The following OR2T12 variants were observed in gnomAD, a reference collection of about 807,000 sequenced individuals.
The protein encoded by OR2T12 is olfactory receptor family 2 subfamily T member 12, also known as olfactory receptor 2T12.
For synonymous variants in OR2T12, 127 were observed against 160.5 expected, an observed-to-expected ratio of 0.79 and a Z score of 1.58; for missense variants, 335 against 404.3, an observed-to-expected ratio of 0.83 and a Z score of 1.47.
intron 1 of OR2T12, among the ~76,000 whole-genome samples, chr1:248,303,027 T>C (rs1180596823): frequency 6.6e-6 from 1 of 152,132 alleles, no homozygotes; most frequent in East Asian, 1.9e-4. Flanking sequence ...AATCATGTCC[T>C]GTTCTCATCT....
chr1:248,292,809 G>A lies in OR2T12; in HGVS notation c.*1807C>T, dbSNP rs1393456998. The A allele has an allele frequency of 4.6e-5, 7 of 151,818 alleles. No individual in the cohort carries two copies. The highest frequency in any genetic ancestry group is 8.8e-5 in the Non-Finnish European group (6 of 67,906). 9.4% of individuals were successfully genotyped at this position (151,818 alleles called of 1,614,324 possible). On this transcript the variant is annotated 3_prime_UTR_variant, in exon 3 of 3. Transcript: ENST00000641276. ...CCTGAACATTAGGCTTAATTTTCTG[G>A]TTAGAATATTTTATCCTTACAAAAT...
At position 248,293,552 on chromosome 1, in the gene OR2T12, T is replaced by C. The variant is rs1028441510; in HGVS notation, c.*1064A>G. On this transcript the variant is annotated 3_prime_UTR_variant, in exon 3 of 3. Coordinates refer to ENST00000641276, the MANE Select transcript of OR2T12 (RefSeq NM_001004692.2). ...ATAGTATAGTCTTCTTTTATTCTTC[T>C]GCAAACTCCAAATCTTTAAAATGTG... is the stretch of plus-strand genomic sequence containing the variant. 2 of 152,208 alleles carry C rather than the reference T, an allele frequency of 1.3e-5. No individual in the cohort carries two copies. The highest frequency in any genetic ancestry group is 4.8e-5 in the African/African-American group (2 of 41,466). The allele number at this position is 152,208 out of a possible 1,614,324, so 9.4% of individuals were successfully genotyped here.
chr1:248,296,779 G>A (rs1472509595), intron 2 of OR2T12, among the ~76,000 whole-genome samples: 4 of 152,108 alleles, frequency 2.6e-5, no homozygotes, highest in African/African-American at 9.7e-5. Context: ...AGCAGGTTGC[G>A]AAAATTTTCT....
intron 1 of OR2T12, among the ~76,000 whole-genome samples, chr1:248,302,178 G>T (rs1659820850): frequency 6.6e-6 from 1 of 151,868 alleles, no homozygotes; most frequent in South Asian, 2.1e-4. Context: ...ACAAAACAAA[G>T]CAACAAATCT....
rs770178076 is a variant in OR2T12 at position 248,294,841 on chromosome 1, C to T, written c.738G>A (p.Val246=). The change falls in exon 3 of 3, where the codon GTG becomes GTA. Residue 246 remains valine, a synonymous_variant. Transcript: ENST00000641276. ...FATCSSHVAV[V]GLFYGAGIFT... ...AAATGCCAGCTCCATAAAAGAGTCC[C>T]ACCACAGCCACATGTGAAGAGCAGG... 13 of 1,612,908 alleles carry T rather than the reference C, an allele frequency of 8.1e-6. No homozygotes were observed. The South Asian group carries it at 9.9e-5, about 12-fold the overall frequency.
intron 2 of OR2T12, among the ~76,000 whole-genome samples, chr1:248,296,794 T>A (rs774325814): frequency 1.1e-4 from 16 of 152,230 alleles, no homozygotes; most frequent in Middle Eastern, 6.8e-3. Context: ...TTTTCTCCCA[T>A]TTTGTGGGTT....
chr1:248,302,814 G>T (rs537003090), intron 1 of OR2T12, among the ~76,000 whole-genome samples: 2 of 152,110 alleles, frequency 1.3e-5, no homozygotes, highest in South Asian at 2.1e-4. Flanking sequence ...TAGCCTGAAT[G>T]TAATTTTATG....
At chr1:248,301,873 T>C (rs1437478211) in intron 1 of OR2T12, among the ~76,000 whole-genome samples, 2 of 152,050 alleles carry the variant, frequency 1.3e-5, no homozygotes, top group African/African-American at 2.4e-5. Flanking sequence ...CAGAGCAATA[T>C]ATTGTAACAC....
rs1448715117 is a variant in OR2T12, at chr1:248,291,855, G to T, written c.*2761C>A. ...GGAAAGGATTCCCTATTTAATAAAT[G>T]ATGTTGGGAAAACTGGCTAGCCATA... On this transcript the variant is annotated 3_prime_UTR_variant, in exon 3 of 3. Coordinates refer to ENST00000641276, the MANE Select transcript of OR2T12 (RefSeq NM_001004692.2). The T allele has an allele frequency of 6.6e-6, 1 of 152,122 alleles. No individual in the cohort carries two copies. The highest frequency in any genetic ancestry group is 1.5e-5 in the Non-Finnish European group (1 of 68,038). The allele number at this position is 152,122 out of a possible 1,614,324, so 9.4% of individuals were successfully genotyped here.
Position 248,295,474 on chromosome 1 carries a change from G to C in OR2T12, c.105C>G (p.Thr35=), listed in dbSNP as rs1659708974. 1 of 1,612,820 alleles carries C rather than the reference G, an allele frequency of 6.2e-7. No individual in the cohort carries two copies. The highest frequency in any genetic ancestry group is 1.7e-5 in the Admixed American group (1 of 59,932). ...LFMMLLATVL[T]SLFSNALMIL... is the part of the protein sequence containing the mutation. The stretch of plus-strand genomic sequence containing the variant: ...TCATGAGGGCATTGCTAAACAGGGA[G>C]GTCAAAACGGTGGCCAGAAGCATCA... The change falls in exon 3 of 3, where the codon ACC becomes ACG. Residue 35 remains threonine (T), a synonymous_variant. Coordinates refer to ENST00000641276, the MANE Select transcript of OR2T12 (RefSeq NM_001004692.2).
intron 2 of OR2T12, among the ~76,000 whole-genome samples, chr1:248,298,576 T>C (rs1194307440): frequency 6.6e-6 from 1 of 151,606 alleles, no homozygotes; most frequent in Non-Finnish European, 1.5e-5. Flanking sequence ...TGGTTTAGTC[T>C]TGGGAGGGTG....
chr1:248,295,223 T>G lies in OR2T12; in HGVS notation c.356A>C (p.Asp119Ala), dbSNP rs1173247480. ...TGGGTGGCAGACAGCCGCATAGCGG[T>G]CATAGGCCATGGCTGCTAAGAGGAA... ...ECFLLAAMAYDRYAAVCHPLR... is the reference protein window; with the variant it reads ...ECFLLAAMAYARYAAVCHPLR... The change falls in exon 3 of 3, where the codon GAC becomes GCC. Residue 119 changes from aspartate (D) to alanine (A), a missense_variant. Transcript: ENST00000641276. The G allele has an allele frequency of 1.2e-6, 2 of 1,608,492 alleles. No individual in the cohort carries two copies. Among genetic ancestry groups the G allele is most frequent in the Non-Finnish European group, 1.7e-6 (2 of 1,178,448 alleles).
chr1:248,296,852 G>C (rs927351558), intron 2 of OR2T12, among the ~76,000 whole-genome samples: 1 of 152,176 alleles, frequency 6.6e-6, no homozygotes, highest in African/African-American at 2.4e-5. Flanking sequence ...AAGCTCTTTA[G>C]TTTACTTAGA....
At chr1:248,300,651 T>C (rs1399354856) in intron 2 of OR2T12, among the ~76,000 whole-genome samples, 1 of 152,154 alleles carries the variant, frequency 6.6e-6, no homozygotes, top group African/African-American at 2.4e-5. Context: ...ACCACCTATT[T>C]TGACCATCAT....
In OR2T12 at chr1:248,292,923, T is replaced by G. The variant is rs1293131791; in HGVS notation, c.*1693A>C. On this transcript the variant is annotated 3_prime_UTR_variant, in exon 3 of 3. Transcript: ENST00000641276. ...TGAACCTGGTATGAGTAATGAAATTTCCACGACTACATGTACTTGTGTAAT... is the reference window on the plus strand; with the variant it reads ...TGAACCTGGTATGAGTAATGAAATTGCCACGACTACATGTACTTGTGTAAT... 5 of 152,144 alleles carry G rather than the reference T, an allele frequency of 3.3e-5. No individual in the cohort carries two copies. Among genetic ancestry groups the G allele is most frequent in the African/African-American group, 1.2e-4 (5 of 41,460 alleles). The allele number at this position is 152,144 out of a possible 1,614,324, so 9.4% of individuals were successfully genotyped here. A position where few individuals can be genotyped will look rare whatever the true frequency, so the allele number is the denominator to read the frequency against.
chr1:248,295,532 A>G lies in OR2T12; in HGVS notation c.47T>C (p.Phe16Ser), dbSNP rs1319019603. 7.4e-6 allele frequency: 12 copies of G among 1,612,454 alleles called. No individual in the cohort carries two copies. Among genetic ancestry groups the G allele is most frequent in the Non-Finnish European group, 9.3e-6 (11 of 1,179,352 alleles). The change falls in exon 3 of 3, where the codon TTT becomes TCT. Residue 16 changes from phenylalanine to serine, a missense_variant. Phe to Ser is a radical substitution (Grantham distance 155, BLOSUM62 -2). Coordinates refer to ENST00000641276, the MANE Select transcript of OR2T12 (RefSeq NM_001004692.2). ...GACTTGGTGGGCTCTGGTGTGGTTA[A>G]AGAGTCCTAGGAGAATAAAATCTGG... ...TTPDFILLGL[F>S]NHTRAHQVLF...
At chr1:248,300,704 A>C (rs1290723539) in intron 2 of OR2T12, among the ~76,000 whole-genome samples, 2 of 152,116 alleles carry the variant, frequency 1.3e-5, no homozygotes, top group Non-Finnish European at 2.9e-5. Flanking sequence ...AACTGTTGTA[A>C]TACACAATTT....
In OR2T12 at chr1:248,294,742, G is replaced by T; in HGVS notation, c.837C>A (p.Phe279Leu). ...AGATGAGGGGATTTAGTAAAGGGGT[G>T]AACATAGTATAGAAGGCTGACACAA... is the stretch of plus-strand genomic sequence containing the variant. ...DKVVSAFYTM[F>L]TPLLNPLIYS... The change falls in exon 3 of 3, where the codon TTC (phenylalanine) becomes TTA (leucine). Residue 279 changes from phenylalanine to leucine, a missense_variant. Transcript: ENST00000641276. 1 of 1,614,074 alleles carries T rather than the reference G, an allele frequency of 6.2e-7. No homozygotes were observed. Among genetic ancestry groups the T allele is most frequent in the Non-Finnish European group, 8.5e-7 (1 of 1,180,008 alleles).
At chr1:248,296,307 A>G (rs1255191426) in intron 2 of OR2T12, among the ~76,000 whole-genome samples, 2 of 152,190 alleles carry the variant, frequency 1.3e-5, no homozygotes, top group African/African-American at 4.8e-5. Flanking sequence ...TAGTGCCGCA[A>G]TAAACATATG....
Sources: gnomAD v4.1 joint callset for allele counts (sites outside exome capture counted in the v4.1 genomes callset) on GRCh38, gnomAD v4.1.1 for gene constraint, MANE v1.5 for transcripts, NCBI Gene and HGNC (gene_info 2026-07-23, HGNC 2026-07-21) for gene names.